NFS1: variants seen among roughly 807,000 people sequenced by gnomAD.
NFS1 encodes the protein NFS1 cysteine desulfurase.
NFS1 carries 26 observed loss-of-function variants against 57.3 expected under a neutral mutation model. That is an observed-to-expected ratio of 0.45 (90% CI 0.33 to 0.63). The LOEUF is 0.63. Among genes scored for constraint, NFS1 ranks in the 20% least tolerant of loss-of-function variants. The pLI is 0.02. For missense variants in NFS1, 505 were observed against 605.8 expected (o/e 0.83, Z 1.75); for synonymous variants, 209 against 216.3 (o/e 0.97, Z 0.30).
intron 5 of NFS1, among the ~76,000 whole-genome samples, chr20:35,685,195 CCT>C (rs1203511106): frequency 6.6e-6 from 1 of 151,726 alleles, no homozygotes. Flanking sequence ...CAAGGGAGAC[CCT>C]GTCTCTACAA....
chr20:35,699,217 C>T lies in NFS1; in HGVS notation c.72G>A (p.Ala24=). 1 of 1,426,634 alleles carries T rather than the reference C, an allele frequency of 7.0e-7. No homozygotes were observed. The highest frequency in any genetic ancestry group is 1.5e-5 in the South Asian group (1 of 68,688). The allele number at this position is 1,426,634 out of a possible 1,614,324, so 88.4% of individuals were successfully genotyped here. A position where few individuals can be genotyped will look rare whatever the true frequency, so the allele number is the denominator to read the frequency against. ...CGCGCAGGCGCAGCCCCCGAGTGGGCGCCGCGGGCTTCGGCCCTGGAGCCG... is the reference window on the plus strand; with the variant it reads ...CGCGCAGGCGCAGCCCCCGAGTGGGTGCCGCGGGCTTCGGCCCTGGAGCCG... ...VTAAPGPKPA[A]PTRGLRLRVG... is the part of the protein sequence containing the mutation. Residue 24 remains alanine, a synonymous_variant, in exon 1 of 13, where the codon GCG becomes GCA. Coordinates refer to ENST00000374092, the MANE Select transcript of NFS1 (RefSeq NM_021100.5). This position sits in a 1 kb window ranked among gnomAD's most constrained non-coding sequence, Gnocchi z 4.4.
At chr20:35,682,615 C>T (rs1212739331) in intron 5 of NFS1, 1 of 151,280 alleles carries the variant, frequency 6.6e-6, no homozygotes, top group Non-Finnish European at 1.5e-5. Flanking sequence ...AAGGAGAAAC[C>T]CTGTCTCTAC....
At chr20:35,688,173 C>T (rs576508790) in intron 5 of NFS1, among the ~76,000 whole-genome samples, 6 of 151,998 alleles carry the variant, frequency 3.9e-5, no homozygotes, top group East Asian at 1.9e-4. Flanking sequence ...CACTTGAACC[C>T]GGGAGGCAGA....
chr20:35,674,138 A>C, intron 10 of NFS1: 1 of 564,190 alleles, frequency 1.8e-6, no homozygotes, highest in Non-Finnish European at 3.2e-6. Flanking sequence ...TAAAAGGCAC[A>C]AAATTCTACC....
Position 35,672,789 on chromosome 20 carries a change from A to G in NFS1, c.1276T>C (p.Cys426Arg), listed in dbSNP as rs1310795443. The G allele has an allele frequency of 6.2e-7, 1 of 1,613,706 alleles. No homozygotes were observed. The highest frequency in any genetic ancestry group is 2.2e-5 in the East Asian group (1 of 44,888). ...EEEVDYTVEKCIQHVKRLREM... is the reference protein window; with the variant it reads ...EEEVDYTVEKRIQHVKRLREM... ...CGAAGACGCTTCACATGCTGAATGC[A>G]TTTCTCCACTGTGTAGTCCACTTCC... The change falls in exon 12 of 13, where the codon TGC (cysteine) becomes CGC (arginine). Residue 426 changes from cysteine (C) to arginine (R), a missense_variant. Cys to Arg is a radical substitution (Grantham distance 180, BLOSUM62 -3). Transcript: ENST00000374092.
In NFS1 at chr20:35,697,588, T is replaced by C. The variant is rs541561794; in HGVS notation, c.324+96A>G. 5.4e-6 allele frequency: 4 copies of C among 740,154 alleles called. No individual in the cohort carries two copies. In the East Asian group the frequency reaches 8.2e-5, roughly 15 times the overall value. The allele number at this position is 740,154 out of a possible 1,614,324, so 45.8% of individuals were successfully genotyped here. A position where few individuals can be genotyped will look rare whatever the true frequency, so the allele number is the denominator to read the frequency against. On this transcript the variant is annotated intron_variant, in intron 3 of 12. Coordinates refer to ENST00000374092, the MANE Select transcript of NFS1 (RefSeq NM_021100.5). The stretch of plus-strand genomic sequence containing the variant: ...CTCTTCCAGAAAGAATCCAAAACCA[T>C]TTCTACCTCCATGCACACCTACCAA...
At chr20:35,684,808 A>C (rs1318070047) in intron 5 of NFS1, among the ~76,000 whole-genome samples, 1 of 151,890 alleles carries the variant, frequency 6.6e-6, no homozygotes, top group Non-Finnish European at 1.5e-5. Flanking sequence ...TCATACCTAC[A>C]ATCCTAGCAC....
At chr20:35,690,636 T>C in intron 4 of NFS1, 71 bp from the exon 5 acceptor site, 1 of 1,527,982 alleles carries the variant, frequency 6.5e-7, no homozygotes, top group Non-Finnish European at 9.0e-7. Context: ...ATCTCATTTG[T>C]AAAGGAAAAG....
intron 4 of NFS1, among the ~76,000 whole-genome samples, chr20:35,693,252 C>T (rs745522087): frequency 7.2e-5 from 11 of 151,864 alleles, no homozygotes; most frequent in Non-Finnish European, 1.2e-4. Context: ...ACAGCCACCA[C>T]ACCCAGCTAA....
At chr20:35,686,293 T>C (rs1601529195) in intron 5 of NFS1, among the ~76,000 whole-genome samples, 1 of 135,962 alleles carries the variant, frequency 7.4e-6, no homozygotes, top group South Asian at 2.2e-4. Context: ...GAGGTTGTGG[T>C]GAGCAGAGAG....
In NFS1 at chr20:35,680,746, C is replaced by G; in HGVS notation, c.781G>C (p.Gly261Arg). Reference protein sequence around the residue: ...LMSISGHKIYGPKGVGAIYIR... With the variant: ...LMSISGHKIYRPKGVGAIYIR... Reference sequence around the variant, plus strand: ...TAGAAGGGGCTGGTACCTTTGGGACCGTAGATTTTGTGACCACTAATGCTC... The same window carrying G: ...TAGAAGGGGCTGGTACCTTTGGGACGGTAGATTTTGTGACCACTAATGCTC... Residue 261 changes from glycine (G) to arginine (R), a missense_variant, in exon 7 of 13, where the codon GGT (glycine) becomes CGT (arginine). Physicochemically the swap from Gly to Arg is moderately radical, Grantham distance 125. Coordinates refer to ENST00000374092, the MANE Select transcript of NFS1 (RefSeq NM_021100.5). 1 of 1,549,556 alleles carries G rather than the reference C, an allele frequency of 6.5e-7. No homozygotes were observed. The highest frequency in any genetic ancestry group is 8.7e-7 in the Non-Finnish European group (1 of 1,149,440).
intron 1 of NFS1, 115 bp from the exon 2 acceptor site, chr20:35,698,705 T>C (rs2035186673): frequency 1.4e-6 from 2 of 1,430,250 alleles, no homozygotes; most frequent in Non-Finnish European, 1.8e-6. Context: ...TAAGGGATGC[T>C]AGGGTCGAAT....
chr20:35,696,886 C>T (rs1287034784), intron 3 of NFS1, among the ~76,000 whole-genome samples: 1 of 152,012 alleles, frequency 6.6e-6, no homozygotes, highest in Non-Finnish European at 1.5e-5. Flanking sequence ...GCAGGTGGAT[C>T]ACCTGAGGTC....
intron 6 of NFS1, 51 bp from the exon 7 acceptor site, chr20:35,680,922 T>C (rs113761457): frequency 7.1e-7 from 1 of 1,412,586 alleles, no homozygotes; most frequent in Non-Finnish European, 9.3e-7. Flanking sequence ...AAGTCATCTG[T>C]CAGAGTCCCA....
At chr20:35,697,165 C>T (rs1231935063) in intron 3 of NFS1, among the ~76,000 whole-genome samples, 1 of 151,750 alleles carries the variant, frequency 6.6e-6, no homozygotes, top group African/African-American at 2.4e-5. Flanking sequence ...GGCATGGTGG[C>T]GTGTGCCTGT....
In NFS1 at chr20:35,696,387, A is replaced by G. The variant is rs1309638321; in HGVS notation, c.398T>C (p.Ile133Thr). The change falls in exon 4 of 13, where the codon ATA becomes ACA. Residue 133 changes from isoleucine (I) to threonine (T), a missense_variant. By Grantham distance (89) the Ile-to-Thr change is moderately conservative. Transcript: ENST00000374092. Reference sequence around the variant, plus strand: ...GTTCCCTTCTCTTACCTTAATTGCTATGTTGTTGGATTCAGTAGCACCACT... The same window carrying G: ...GTTCCCTTCTCTTACCTTAATTGCTGTGTTGTTGGATTCAGTAGCACCACT... ...FTSGATESNN[I>T]AIKGVARFYR... 4 of 1,612,094 alleles carry G rather than the reference A, an allele frequency of 2.5e-6. No homozygotes were observed. Among genetic ancestry groups the G allele is most frequent in the Admixed American group, 1.7e-5 (1 of 59,994 alleles).
Position 35,680,788 on chromosome 20 carries a change from T to C in NFS1, c.739A>G (p.Met247Val), listed in dbSNP as rs1205109701. The C allele has an allele frequency of 1.4e-5, 22 of 1,579,136 alleles. No homozygotes were observed. The highest frequency in any genetic ancestry group is 1.8e-5 in the Non-Finnish European group (21 of 1,164,114). ...VGKIPLDVND[M>V]KIDLMSISGH... ...CTAATGCTCATGAGATCAATTTTCA[T>C]GTCATTGACATCAAGTGGGATTTTT... The change falls in exon 7 of 13, where the codon ATG (methionine) becomes GTG (valine). Residue 247 changes from methionine (M) to valine (V), a missense_variant. Coordinates refer to ENST00000374092, the MANE Select transcript of NFS1 (RefSeq NM_021100.5).
At chr20:35,672,482 C>T (rs974450805) in intron 12 of NFS1, among the ~76,000 whole-genome samples, 1 of 152,240 alleles carries the variant, frequency 6.6e-6, no homozygotes, top group African/African-American at 2.4e-5. Context: ...AACTTCTGAC[C>T]TCAGGTGATC....
intron 4 of NFS1, among the ~76,000 whole-genome samples, chr20:35,694,347 G>A (rs2035094711): frequency 1.3e-5 from 2 of 152,150 alleles, no homozygotes; most frequent in South Asian, 4.1e-4. Context: ...GTTTTACCAT[G>A]TTGGTCAGGC....
Sources: allele counts gnomAD v4.1 joint callset (sites outside exome capture counted in the v4.1 genomes callset), GRCh38; gene constraint gnomAD v4.1.1; non-coding constraint Gnocchi (gnomAD v3.1); transcripts MANE v1.5; gene names NCBI Gene and HGNC (gene_info 2026-07-23, HGNC 2026-07-21).